Variants in TTC4 observed in about 807,000 individuals in gnomAD.
TTC4 encodes the protein tetratricopeptide repeat domain 4.
In TTC4, 36 loss-of-function variants were observed where a neutral mutation model predicts 51.9. The observed-to-expected ratio is 0.69, with a 90% CI of 0.53 to 0.92. The LOEUF is 0.92. TTC4 is among the 40% of genes least tolerant of loss of function. TTC4 has a pLI of 0.00. For synonymous variants in TTC4, 144 were observed against 164.2 expected (o/e 0.88, Z 0.94); for missense variants, 399 against 454.6 (o/e 0.88, Z 1.11).
At chr1:54,717,081 G>A (rs1044227335) in intron 2 of TTC4, among the ~76,000 whole-genome samples, 1 of 152,122 alleles carries the variant, frequency 6.6e-6, no homozygotes, top group African/African-American at 2.4e-5. Flanking sequence ...CTGAATCTTT[G>A]TAATTTTGTA....
intron 5 of TTC4, among the ~76,000 whole-genome samples, chr1:54,725,689 C>A (rs959255417): frequency 1.3e-5 from 2 of 152,162 alleles, no homozygotes; most frequent in Non-Finnish European, 1.5e-5. Flanking sequence ...ATTTAAATAT[C>A]TTCTCAGAAT....
At chr1:54,736,148 G>A (rs1645929266) in intron 8 of TTC4, among the ~76,000 whole-genome samples, 1 of 139,522 alleles carries the variant, frequency 7.2e-6, no homozygotes, top group Non-Finnish European at 1.5e-5. Context: ...CCACAGCTTG[G>A]GGGAGAAAGA....
intron 3 of TTC4, among the ~76,000 whole-genome samples, chr1:54,720,496 T>G (rs1351891109): frequency 1.4e-5 from 2 of 146,806 alleles, no homozygotes; most frequent in Non-Finnish European, 3.0e-5. Context: ...ATATTTAGTT[T>G]TTTTTTTTTT....
chr1:54,718,152 A>G (rs973322119), intron 3 of TTC4, among the ~76,000 whole-genome samples: 1 of 152,082 alleles, frequency 6.6e-6, no homozygotes, highest in African/African-American at 2.4e-5. Context: ...AGGCTGAGAC[A>G]GGAGGATCGC....
chr1:54,727,687 A>C (rs2101328258), intron 5 of TTC4, among the ~76,000 whole-genome samples: 1 of 140,216 alleles, frequency 7.1e-6, no homozygotes, highest in Non-Finnish European at 1.5e-5. Flanking sequence ...CCTCATCTCT[A>C]CAAAAAAAAA....
At chr1:54,721,739 A>G (rs1207089705) in intron 4 of TTC4, among the ~76,000 whole-genome samples, 1 of 152,218 alleles carries the variant, frequency 6.6e-6, no homozygotes, top group Non-Finnish European at 1.5e-5. Context: ...TATTCATCAC[A>G]TATTAATCTT....
rs3815226 is a variant in TTC4 at position 54,731,476 on chromosome 1, T to C, written c.682-10T>C. ...TGCATTATGTGTGTGTGTTTCTGTC[T>C]TTAACCCAGGCTAGGAATATCAGGC... On this transcript the variant is annotated splice_polypyrimidine_tract_variant and intron_variant, in intron 6 of 9. Transcript: ENST00000371281. The C allele has an allele frequency of 0.21, 336,729 of 1,613,256 alleles. 40,345 individuals carry two copies. Among genetic ancestry groups the C allele is most frequent in the East Asian group, 0.55 (24,551 of 44,840 alleles).
intron 4 of TTC4, among the ~76,000 whole-genome samples, chr1:54,721,447 TAAATTAATAAAAAATA>T (rs1453629269): frequency 6.6e-6 from 1 of 152,234 alleles, no homozygotes; most frequent in Non-Finnish European, 1.5e-5. Flanking sequence ...CCCCTCATTT[TAAATTAATAAAAAATA>T]AAATTAATTA....
intron 7 of TTC4, 135 bp downstream of exon 7, chr1:54,731,835 TA>T: frequency 1.2e-6 from 1 of 802,760 alleles, no homozygotes; most frequent in Non-Finnish European, 1.9e-6. Flanking sequence ...GGTTTGATAA[TA>T]ACCTCTCTAT....
chr1:54,737,296 C>A, intron 8 of TTC4: 1 of 332,486 alleles, frequency 3.0e-6, no homozygotes, highest in Non-Finnish European at 5.6e-6. Context: ...GCTACATAGG[C>A]CTGGCCTTGA....
chr1:54,717,875 T>C, intron 3 of TTC4: 1 of 385,672 alleles, frequency 2.6e-6, no homozygotes. Context: ...AGTGACTTGG[T>C]CACTCAAGTA....
chr1:54,716,805 G>A lies in TTC4; in HGVS notation c.229+88G>A, dbSNP rs771427318. 33 of 1,055,694 alleles carry A rather than the reference G, an allele frequency of 3.1e-5. No homozygotes were observed. The South Asian group carries it at 3.2e-4, about 10-fold the overall frequency. The allele number at this position is 1,055,694 out of a possible 1,614,324, so 65.4% of individuals were successfully genotyped here. On this transcript the variant is annotated intron_variant, in intron 2 of 9. Coordinates refer to ENST00000371281, the MANE Select transcript of TTC4 (RefSeq NM_004623.5). ...GAAGCGTTCTGATTGATAACAAGAA[G>A]TAGTTAGCCTGAGCTAACTTGTCAT...
intron 9 of TTC4, among the ~76,000 whole-genome samples, chr1:54,740,602 G>A (rs781655299): frequency 1.4e-4 from 22 of 152,130 alleles, no homozygotes; most frequent in Non-Finnish European, 2.8e-4. Context: ...GCTGTTGGAA[G>A]TTACTACCTT....
intron 6 of TTC4, among the ~76,000 whole-genome samples, chr1:54,730,425 C>T (rs1206631223): frequency 6.6e-6 from 1 of 152,048 alleles, no homozygotes; most frequent in Non-Finnish European, 1.5e-5. Context: ...AAACTGCAGC[C>T]GTTGGAACAC....
intron 9 of TTC4, among the ~76,000 whole-genome samples, chr1:54,738,919 T>G (rs1210477700): frequency 6.6e-6 from 1 of 152,102 alleles, no homozygotes; most frequent in East Asian, 1.9e-4. Flanking sequence ...CACCTCGGTC[T>G]TCCAAAGTGC....
At chr1:54,734,475 C>T (rs905932156) in intron 8 of TTC4, among the ~76,000 whole-genome samples, 1 of 152,162 alleles carries the variant, frequency 6.6e-6, no homozygotes, top group Non-Finnish European at 1.5e-5. Flanking sequence ...TGCAACCTTG[C>T]CTCTTGGTTC....
chr1:54,740,115 C>T (rs773142828), intron 9 of TTC4, among the ~76,000 whole-genome samples: 8 of 152,144 alleles, frequency 5.3e-5, no homozygotes, highest in Admixed American at 1.3e-4. Flanking sequence ...TTCAAGGCTG[C>T]AGTGAGCTAT....
At position 54,734,095 on chromosome 1, in the gene TTC4, G is replaced by A. The variant is rs542749283; in HGVS notation, c.978+385G>A. ...CCTTTTTTTTTTAAATTTTTGAGAC[G>A]GAGTCTCGCTGTTTCACCCAGGCTG... On this transcript the variant is annotated intron_variant, in intron 8 of 9. Coordinates refer to ENST00000371281, the MANE Select transcript of TTC4 (RefSeq NM_004623.5). Among the ~76,000 whole-genome samples, 30 of 151,918 alleles carry A rather than the reference G, an allele frequency of 2.0e-4. No individual in the cohort carries two copies. In the East Asian group the frequency reaches 2.9e-3, roughly 15 times the overall value.
intron 5 of TTC4, among the ~76,000 whole-genome samples, chr1:54,727,975 T>TA (rs1479297336): frequency 1.3e-5 from 2 of 152,038 alleles, no homozygotes; most frequent in African/African-American, 2.4e-5. Context: ...TTATACTTTT[T>TA]AAAAAAAATC....
Sources: allele counts gnomAD v4.1 joint callset (sites outside exome capture counted in the v4.1 genomes callset), GRCh38; gene constraint gnomAD v4.1.1; transcripts MANE v1.5; gene names NCBI Gene and HGNC (gene_info 2026-07-23, HGNC 2026-07-21).